The following ASH1L variants were observed in gnomAD, a reference collection of about 807,000 sequenced individuals.
The protein encoded by ASH1L is ASH1 like histone lysine methyltransferase.
In ASH1L, 23 loss-of-function variants were observed where a neutral mutation model predicts 269.0. That is an observed-to-expected ratio of 0.09 (90% CI 0.06 to 0.12). The LOEUF is 0.12. ASH1L is among the 10% of genes least tolerant of loss of function. The pLI is 1.00. For missense variants in ASH1L, 2,912 were observed against 3,567.8 expected (o/e 0.82, Z 4.68); for synonymous variants, 1,187 against 1,253.5 (o/e 0.95, Z 1.12).
At chr1:155,519,512 G>A (rs1170083418) in intron 2 of ASH1L, among the ~76,000 whole-genome samples, 1 of 152,178 alleles carries the variant, frequency 6.6e-6, no homozygotes, top group African/African-American at 2.4e-5. Flanking sequence ...GAAAAGGAAT[G>A]AAGTTTTGGC....
intron 3 of ASH1L, among the ~76,000 whole-genome samples, chr1:155,460,375 C>T (rs369568844): frequency 6.6e-6 from 1 of 152,102 alleles, no homozygotes; most frequent in African/African-American, 2.4e-5. Context: ...TTTGGGAGGC[C>T]GAGGCGGGTG....
At chr1:155,378,049 A>C (rs141477025) in intron 10 of ASH1L, among the ~76,000 whole-genome samples, 3,400 of 151,848 alleles carry the variant, frequency 0.022, 115 homozygotes, top group African/African-American at 0.078. Context: ...AAAACAAAAC[A>C]AAAAAAACAA....
chr1:155,441,454 C>CTT (rs34682576), intron 4 of ASH1L, among the ~76,000 whole-genome samples: 921 of 73,638 alleles, frequency 0.013, 128 homozygotes, highest in South Asian at 0.045. Context: ...ATAAAGAATC[C>CTT]TTTTTTTTTT....
At position 155,346,026 on chromosome 1, in the gene ASH1L, GT is replaced by G. The variant is rs773293348; in HGVS notation, c.7890+356del. The G allele has an allele frequency of 1.8e-4, 87 of 481,234 alleles. 1 individual carries two copies. The Middle Eastern group carries it at 2.8e-3, about 15-fold the overall frequency. 29.8% of individuals were successfully genotyped at this position (481,234 alleles called of 1,614,324 possible). A position where few individuals can be genotyped will look rare whatever the true frequency, so the allele number is the denominator to read the frequency against. On this transcript the variant is annotated intron_variant, in intron 21 of 27. Coordinates refer to ENST00000392403, the MANE Select transcript of ASH1L (RefSeq NM_018489.3). ...TTTTTTGTATTTTAGTAGAGATGGG[GT>G]TTCACCGTGTTGCCCAGGCTGGTCT...
intron 6 of ASH1L, among the ~76,000 whole-genome samples, chr1:155,408,975 C>T (rs1300195090): frequency 6.6e-6 from 1 of 151,936 alleles, no homozygotes; most frequent in Non-Finnish European, 1.5e-5. Context: ...CTCATCTTCA[C>T]CAGAAAATGT....
intron 3 of ASH1L, among the ~76,000 whole-genome samples, chr1:155,463,700 T>C (rs781670948): frequency 2.6e-5 from 4 of 152,010 alleles, no homozygotes; most frequent in Admixed American, 6.6e-5. Context: ...GAGGCTGAAG[T>C]GGGAAGATCG....
intron 1 of ASH1L, among the ~76,000 whole-genome samples, chr1:155,524,692 G>A (rs945402906): frequency 4.6e-5 from 7 of 151,782 alleles, no homozygotes; most frequent in Non-Finnish European, 2.9e-5. Context: ...TAAAAAATTA[G>A]CCAGGTGTGT....
At chr1:155,470,033 T>C (rs1023016538) in intron 3 of ASH1L, among the ~76,000 whole-genome samples, 3 of 152,162 alleles carry the variant, frequency 2.0e-5, no homozygotes, top group African/African-American at 4.8e-5. Context: ...AAAGCTGATA[T>C]CTAGTGTAAG....
Position 155,482,041 on chromosome 1 carries a change from T to C in ASH1L, c.829A>G (p.Ser277Gly), listed in dbSNP as rs186255422. The C allele has an allele frequency of 2.5e-4, 402 of 1,614,202 alleles. 1 individual carries two copies. In the East Asian group the frequency reaches 7.6e-3, roughly 30 times the overall value. The change falls in exon 3 of 28, where the codon AGC becomes GGC. Residue 277 changes from serine (S) to glycine (G), a missense_variant. By Grantham distance (56) the Ser-to-Gly change is moderately conservative. Around this residue, in one of 13 missense-constraint regions of ASH1L, gnomAD observed 277 missense variants for 367.7 expected, o/e 0.75. Coordinates refer to ENST00000392403, the MANE Select transcript of ASH1L (RefSeq NM_018489.3). ...HKDLIKKPTISTAVGLVTKDP... is the reference protein window; with the variant it reads ...HKDLIKKPTIGTAVGLVTKDP... ...TTAGTTACCAATCCAACTGCTGTGCTGATGGTTGGCTTTTTTATTAAGTCC... is the reference window on the plus strand; with the variant it reads ...TTAGTTACCAATCCAACTGCTGTGCCGATGGTTGGCTTTTTTATTAAGTCC...
At chr1:155,548,793 G>A (rs960458363) in intron 1 of ASH1L, among the ~76,000 whole-genome samples, 4 of 152,066 alleles carry the variant, frequency 2.6e-5, no homozygotes, top group Non-Finnish European at 5.9e-5. Flanking sequence ...GCTCTAAATA[G>A]CATCACTATG....
At chr1:155,389,895 G>A (rs977509169) in intron 7 of ASH1L, among the ~76,000 whole-genome samples, 994 of 73,150 alleles carry the variant, frequency 0.014, 9 homozygotes, top group Non-Finnish European at 0.017. Context: ...TTTTTTTTTT[G>A]GTGTGGATCT....
intron 5 of ASH1L, among the ~76,000 whole-genome samples, chr1:155,421,923 A>G (rs1660716845): frequency 6.6e-6 from 1 of 152,140 alleles, no homozygotes. Context: ...GTACATTCAC[A>G]TTGTTGTACA....
rs773522157 is a variant in ASH1L at position 155,344,193 on chromosome 1, C to G, written c.7971G>C (p.Leu2657=). 12 of 1,613,972 alleles carry G rather than the reference C, an allele frequency of 7.4e-6. No homozygotes were observed. Among genetic ancestry groups the G allele is most frequent in the Non-Finnish European group, 1.0e-5 (12 of 1,180,000 alleles). The change falls in exon 22 of 28, where the codon CTG becomes CTC. Residue 2657 remains leucine (L), a synonymous_variant. Coordinates refer to ENST00000392403, the MANE Select transcript of ASH1L (RefSeq NM_018489.3). ...YFICLLRDDL[L]LRQGDCVYLM... ...CTCCTGTATACATACCCTGACGAAG[C>G]AGCAAGTCATCTCGGAGCAAACAGA...
intron 1 of ASH1L, among the ~76,000 whole-genome samples, chr1:155,529,285 TTAAC>T (rs1360371937): frequency 1.3e-5 from 2 of 152,170 alleles, no homozygotes; most frequent in Admixed American, 1.3e-4. Context: ...CCACAATGGC[TTAAC>T]TAATTTACAC....
Position 155,562,623 on chromosome 1 carries a change from C to T in ASH1L, c.-570G>A. ...CCGCCCGCACGCGTACGAGTGTCTA[C>T]GGGCTCGTCGCTGGCTGCTCCCACC... On this transcript the variant is annotated 5_prime_UTR_variant, in exon 1 of 28. Coordinates refer to ENST00000392403, the MANE Select transcript of ASH1L (RefSeq NM_018489.3). The T allele has an allele frequency of 2.0e-6, 3 of 1,527,032 alleles. No homozygotes were observed. The highest frequency in any genetic ancestry group is 2.6e-6 in the Non-Finnish European group (3 of 1,141,074). 94.6% of individuals were successfully genotyped at this position (1,527,032 alleles called of 1,614,324 possible). A position where few individuals can be genotyped will look rare whatever the true frequency, so the allele number is the denominator to read the frequency against.
chr1:155,553,419 T>C (rs568729686), intron 1 of ASH1L, among the ~76,000 whole-genome samples: 97 of 152,230 alleles, frequency 6.4e-4, no homozygotes, highest in Non-Finnish European at 1.2e-3. Flanking sequence ...CTTTATTTGA[T>C]AGAAGATATC....
At chr1:155,388,466 T>C (rs958441873) in intron 7 of ASH1L, among the ~76,000 whole-genome samples, 11 of 151,596 alleles carry the variant, frequency 7.3e-5, no homozygotes, top group Admixed American at 2.0e-4. Context: ...AAATTTTTCT[T>C]TTCTTTTTAA....
At position 155,562,587 on chromosome 1, in the gene ASH1L, A is replaced by AGCGC; in HGVS notation, c.-538_-535dup. On this transcript the variant is annotated 5_prime_UTR_variant, in exon 1 of 28. Transcript: ENST00000392403. The stretch of plus-strand genomic sequence containing the variant: ...CCGCTCCGCCCGACTCCGTCCGCGT[A>AGCGC]GCGCGCACGCCCGCCCGCACGCGTA... 1 of 1,528,600 alleles carries AGCGC rather than the reference A, an allele frequency of 6.5e-7. No individual in the cohort carries two copies. The highest frequency in any genetic ancestry group is 1.4e-5 in the African/African-American group (1 of 72,780). The allele number at this position is 1,528,600 out of a possible 1,614,324, so 94.7% of individuals were successfully genotyped here.
intron 2 of ASH1L, among the ~76,000 whole-genome samples, chr1:155,495,757 G>A (rs916320278): frequency 6.6e-6 from 1 of 152,152 alleles, no homozygotes; most frequent in Admixed American, 6.5e-5. Context: ...CAGTACTTTG[G>A]GAGGCTGAGG....
Sources: allele counts gnomAD v4.1 joint callset (sites outside exome capture counted in the v4.1 genomes callset), GRCh38; gene constraint gnomAD v4.1.1; regional missense constraint gnomAD v4.1.1; transcripts MANE v1.5; gene names NCBI Gene and HGNC (gene_info 2026-07-23, HGNC 2026-07-21).